Variants in CCSER1 observed in about 807,000 individuals in gnomAD.
The protein encoded by CCSER1 is coiled-coil serine rich protein 1.
Under a neutral mutation model 82.0 loss-of-function variants are expected in CCSER1, and 41 were observed. The ratio of observed to expected loss-of-function variants is 0.50; its 90% CI spans 0.39 to 0.65. CCSER1 has a LOEUF of 0.65. CCSER1 is among the 30% of genes least tolerant of loss of function. The probability of loss-of-function intolerance (pLI) is 0.00; values close to 1 mark genes in which losing one functional copy is unlikely to be tolerated. For missense variants in CCSER1, 1,119 were observed against 1,064.2 expected, an observed-to-expected ratio of 1.05 and a Z score of -0.72; for synonymous variants, 414 against 383.9, an observed-to-expected ratio of 1.08 and a Z score of -0.92.
intron 10 of CCSER1, among the ~76,000 whole-genome samples, chr4:91,095,480 T>C (rs1017551306): frequency 1.3e-5 from 2 of 152,132 alleles, no homozygotes; most frequent in African/African-American, 4.8e-5. Context: ...AGCGGCTTGT[T>C]ACATCTCTAT....
intron 6 of CCSER1, among the ~76,000 whole-genome samples, chr4:90,629,459 A>G (rs1034525356): frequency 2.0e-5 from 3 of 152,182 alleles, no homozygotes; most frequent in African/African-American, 7.2e-5. Context: ...GAGCTTGTGC[A>G]GGGAAACTCT....
chr4:90,485,466 T>G (rs949021324), intron 5 of CCSER1, among the ~76,000 whole-genome samples: 1 of 151,004 alleles, frequency 6.6e-6, no homozygotes, highest in South Asian at 2.1e-4. Flanking sequence ...TCTGTGTCAC[T>G]CACGCTGGGA....
intron 10 of CCSER1, among the ~76,000 whole-genome samples, chr4:91,231,354 G>A (rs974905900): frequency 6.6e-6 from 1 of 151,884 alleles, no homozygotes; most frequent in African/African-American, 2.4e-5. Flanking sequence ...GATAAAAAAT[G>A]TGAGTATAGG....
intron 10 of CCSER1, among the ~76,000 whole-genome samples, chr4:91,357,393 T>G (rs1296811680): frequency 2.6e-5 from 4 of 152,192 alleles, no homozygotes; most frequent in African/African-American, 9.6e-5. Flanking sequence ...AGCAGGTTGA[T>G]GCTTTAAGAA....
chr4:90,529,188 A>C (rs1175005230), intron 5 of CCSER1, among the ~76,000 whole-genome samples: 1 of 151,796 alleles, frequency 6.6e-6, no homozygotes, highest in Non-Finnish European at 1.5e-5. Context: ...GGGCAATTTG[A>C]CTTTGTAATC....
chr4:90,757,933 C>CTTTTT (rs200053849), intron 7 of CCSER1, among the ~76,000 whole-genome samples: 87 of 136,442 alleles, frequency 6.4e-4, no homozygotes, highest in East Asian at 8.5e-4. Context: ...GTTTCCTTTT[C>CTTTTT]TTTTTTTTTT....
At chr4:90,157,950 C>A (rs1219877204) in intron 1 of CCSER1, among the ~76,000 whole-genome samples, 1 of 152,180 alleles carries the variant, frequency 6.6e-6, no homozygotes, top group Non-Finnish European at 1.5e-5. Flanking sequence ...GAGAGGCGCT[C>A]TGCTTTTTAG....
chr4:90,888,591 C>T (rs948648212), intron 8 of CCSER1, among the ~76,000 whole-genome samples: 1 of 151,850 alleles, frequency 6.6e-6, no homozygotes, highest in Non-Finnish European at 1.5e-5. Context: ...AAAACAATAC[C>T]AGTATTTTAA....
At chr4:91,463,235 C>G (rs1756620849) in intron 10 of CCSER1, among the ~76,000 whole-genome samples, 1 of 152,178 alleles carries the variant, frequency 6.6e-6, no homozygotes, top group South Asian at 2.1e-4. Context: ...GCTGCTGATA[C>G]CCAGGCAAAC....
intron 7 of CCSER1, among the ~76,000 whole-genome samples, chr4:90,728,436 GA>G (rs1561027524): frequency 6.6e-6 from 1 of 152,182 alleles, no homozygotes; most frequent in Non-Finnish European, 1.5e-5. Context: ...AATTGTGTCT[GA>G]AGATTCTTCT....
chr4:91,129,314 A>C (rs1471648153), intron 10 of CCSER1, among the ~76,000 whole-genome samples: 1 of 152,014 alleles, frequency 6.6e-6, no homozygotes, highest in Non-Finnish European at 1.5e-5. Context: ...CCCACTCAGA[A>C]ATGAATCATG....
intron 10 of CCSER1, among the ~76,000 whole-genome samples, chr4:91,317,804 T>C (rs1745935213): frequency 6.6e-6 from 1 of 151,900 alleles, no homozygotes. Flanking sequence ...AATAACAAGA[T>C]TGAGAAGGTT....
chr4:91,551,718 G>A (rs1433104524), intron 10 of CCSER1, among the ~76,000 whole-genome samples: 1 of 145,258 alleles, frequency 6.9e-6, no homozygotes, highest in Non-Finnish European at 1.5e-5. Flanking sequence ...CAAGGCCGAA[G>A]CACTCAAGAT....
chr4:91,327,520 A>G (rs1746656170), intron 10 of CCSER1, among the ~76,000 whole-genome samples: 1 of 152,176 alleles, frequency 6.6e-6, no homozygotes, highest in Non-Finnish European at 1.5e-5. Flanking sequence ...CAGGCCTGTG[A>G]TGGGAGGGGC....
intron 3 of CCSER1, among the ~76,000 whole-genome samples, chr4:90,337,387 G>C (rs1187674270): frequency 6.6e-6 from 1 of 152,188 alleles, no homozygotes; most frequent in African/African-American, 2.4e-5. Context: ...AAGTCGTGAA[G>C]AGGGATTTAG....
chr4:91,352,993 A>G (rs528376504), intron 10 of CCSER1, among the ~76,000 whole-genome samples: 55 of 152,358 alleles, frequency 3.6e-4, no homozygotes, highest in African/African-American at 1.3e-3. Context: ...AAGCTGCATC[A>G]GATAGGGTGG....
chr4:91,481,941 C>T (rs929030592), intron 10 of CCSER1, among the ~76,000 whole-genome samples: 1 of 151,960 alleles, frequency 6.6e-6, no homozygotes, highest in East Asian at 1.9e-4. Context: ...AAAAACAACC[C>T]CATCAAAAAG....
chr4:91,221,466 AGT>A (rs1737735387), intron 10 of CCSER1, among the ~76,000 whole-genome samples: 1 of 152,136 alleles, frequency 6.6e-6, no homozygotes, highest in African/African-American at 2.4e-5. Context: ...TTTATTAAAG[AGT>A]GTTATAATAT....
intron 10 of CCSER1, among the ~76,000 whole-genome samples, chr4:91,563,597 A>G (rs1381253401): frequency 6.6e-6 from 1 of 151,848 alleles, no homozygotes; most frequent in East Asian, 1.9e-4. Context: ...CATAATACTC[A>G]GTGGTGAAAA....
Sources: gnomAD v4.1 joint callset for allele counts (sites outside exome capture counted in the v4.1 genomes callset) on GRCh38, gnomAD v4.1.1 for gene constraint, MANE v1.5 for transcripts, NCBI Gene and HGNC (gene_info 2026-07-23, HGNC 2026-07-21) for gene names.